DEPDC5: variants seen among roughly 807,000 people sequenced by gnomAD.
DEPDC5 encodes GATOR1 complex protein DEPDC5.
In DEPDC5, 73 loss-of-function variants were observed where a neutral mutation model predicts 217.3. The observed-to-expected ratio is 0.34, with a 90% CI of 0.28 to 0.41. The LOEUF (loss-of-function observed/expected upper bound fraction) is 0.41. Ranked by LOEUF, DEPDC5 falls within the 10% of genes least tolerant of loss-of-function variation. The pLI, the probability that DEPDC5 is intolerant of heterozygous loss-of-function variation, is 1.00. For synonymous variants in DEPDC5, 733 were observed against 756.7 expected (o/e 0.97, Z 0.51); for missense variants, 1,675 against 2,070.1 (o/e 0.81, Z 3.70).
intron 12 of DEPDC5, among the ~76,000 whole-genome samples, chr22:31,794,207 G>T (rs934403536): frequency 6.6e-6 from 1 of 152,106 alleles, no homozygotes; most frequent in African/African-American, 2.4e-5. Context: ...GTTGGATCCT[G>T]TACCCCTAGG....
chr22:31,801,909 A>G (rs1410369101), intron 14 of DEPDC5, among the ~76,000 whole-genome samples: 2 of 152,038 alleles, frequency 1.3e-5, no homozygotes, highest in Non-Finnish European at 2.9e-5. Context: ...CATAGTAAGA[A>G]TCATAGAGGC....
rs1438074986 is a variant in DEPDC5 at position 31,790,833 on chromosome 22, AC to A, written c.625-1195del. 2.2e-5 allele frequency among the ~76,000 whole-genome samples: 3 copies of A among 137,342 alleles called. No homozygotes were observed. The South Asian group carries it at 6.7e-4, about 31-fold the overall frequency. 90.1% of individuals were successfully genotyped at this position (137,342 alleles called of 152,430 possible). On this transcript the variant is annotated intron_variant, in intron 10 of 42. Coordinates refer to ENST00000651528, the MANE Select transcript of DEPDC5 (RefSeq NM_001242896.3). ...ACAGTCTTGGCTCACTGCAGTCTCC[AC>A]CCCCTGGGTTCAAGTGATTATCCTA...
intron 27 of DEPDC5, among the ~76,000 whole-genome samples, chr22:31,842,617 G>T (rs2091466859): frequency 6.6e-6 from 1 of 150,392 alleles, no homozygotes. Context: ...GCAAATATTT[G>T]CAGCAAATCA....
chr22:31,901,915 C>T (rs2093655008), intron 41 of DEPDC5, 113 bp downstream of exon 41: 3 of 956,094 alleles, frequency 3.1e-6, no homozygotes, highest in Non-Finnish European at 4.9e-6. Context: ...ATGTATTCCA[C>T]CAATGGCAAA....
intron 31 of DEPDC5, among the ~76,000 whole-genome samples, chr22:31,855,069 A>T (rs2092223979): frequency 6.6e-6 from 1 of 150,498 alleles, no homozygotes; most frequent in African/African-American, 2.5e-5. Flanking sequence ...GGTTCAAGCG[A>T]TTCTCCTGCC....
chr22:31,845,857 G>A (rs1475089306), intron 30 of DEPDC5, among the ~76,000 whole-genome samples: 3 of 150,618 alleles, frequency 2.0e-5, no homozygotes, highest in African/African-American at 7.4e-5. Flanking sequence ...ATTCTCTCAT[G>A]CTAGTCTTTT....
intron 14 of DEPDC5, among the ~76,000 whole-genome samples, chr22:31,800,045 C>T (rs144743439): frequency 2.6e-5 from 4 of 151,962 alleles, no homozygotes; most frequent in Non-Finnish European, 5.9e-5. Flanking sequence ...TCGTGATCCG[C>T]CCACCTTGGC....
intron 38 of DEPDC5, among the ~76,000 whole-genome samples, chr22:31,891,840 T>C (rs1325101387): frequency 6.6e-6 from 1 of 152,234 alleles, no homozygotes; most frequent in Non-Finnish European, 1.5e-5. Context: ...AACAGAAGCC[T>C]GACCTTTTCT....
chr22:31,778,837 G>A (rs1418254421), intron 8 of DEPDC5, among the ~76,000 whole-genome samples: 1 of 152,100 alleles, frequency 6.6e-6, no homozygotes, highest in Admixed American at 6.6e-5. Flanking sequence ...TGAGAGCAGT[G>A]GTTTTCAACC....
At chr22:31,811,331 A>G (rs1602060234) in intron 20 of DEPDC5, among the ~76,000 whole-genome samples, 3 of 152,234 alleles carry the variant, frequency 2.0e-5, no homozygotes, top group Admixed American at 2.0e-4. Flanking sequence ...CGGCCTCCCT[A>G]AGTGCTGGGA....
At chr22:31,826,123 C>T (rs1158944106) in intron 24 of DEPDC5, among the ~76,000 whole-genome samples, 1 of 152,106 alleles carries the variant, frequency 6.6e-6, no homozygotes, top group Admixed American at 6.6e-5. Context: ...TCCCCTGCCT[C>T]AGCCTCCCAA....
chr22:31,766,743 A>C (rs1049931944), intron 6 of DEPDC5, 75 bp downstream of exon 6: 1 of 1,358,296 alleles, frequency 7.4e-7, no homozygotes, highest in Admixed American at 1.9e-5. Context: ...ATGGGAGAAG[A>C]ATATAAAATC....
intron 18 of DEPDC5, among the ~76,000 whole-genome samples, chr22:31,808,543 T>C (rs974861945): frequency 1.3e-5 from 2 of 152,172 alleles, no homozygotes; most frequent in Admixed American, 1.3e-4. Context: ...CACGTGATTC[T>C]CCTGCCTCAG....
chr22:31,843,894 C>T, intron 29 of DEPDC5, 82 bp downstream of exon 29: 2 of 1,320,740 alleles, frequency 1.5e-6, no homozygotes, highest in Non-Finnish European at 2.0e-6. Context: ...TCTGCCCTTT[C>T]TCTCTCTCTC....
At chr22:31,822,655 C>G (rs5753795) in intron 23 of DEPDC5, 38 bp from the exon 24 acceptor site, 1 of 1,603,132 alleles carries the variant, frequency 6.2e-7, no homozygotes, top group Non-Finnish European at 8.5e-7. Context: ...AGGTGATGAT[C>G]TACATTAAGC....
Position 31,812,581 on chromosome 22 carries a change from C to T in DEPDC5, c.1445+1940C>T, listed in dbSNP as rs542461910. On this transcript the variant is annotated intron_variant, in intron 20 of 42. Coordinates refer to ENST00000651528, the MANE Select transcript of DEPDC5 (RefSeq NM_001242896.3). ...CTGGGACTACAGGCGCCCACCACCACGCCCAGCTAATTTTTTGTATTTTTA... is the reference window on the plus strand; with the variant it reads ...CTGGGACTACAGGCGCCCACCACCATGCCCAGCTAATTTTTTGTATTTTTA... Among the ~76,000 whole-genome samples, 13 of 149,350 alleles carry T rather than the reference C, an allele frequency of 8.7e-5. No individual in the cohort carries two copies. The South Asian group carries it at 2.2e-3, about 26-fold the overall frequency.
chr22:31,808,775 C>T (rs1568971105), intron 18 of DEPDC5, among the ~76,000 whole-genome samples: 2 of 151,882 alleles, frequency 1.3e-5, no homozygotes, highest in South Asian at 4.2e-4. Flanking sequence ...CCATGTTGGC[C>T]AGGCTGGTAC....
chr22:31,836,975 T>C lies in DEPDC5; in HGVS notation c.2174T>C (p.Leu725Pro). The change falls in exon 26 of 43, where the codon CTG becomes CCG. Residue 725 changes from leucine to proline, a missense_variant. By Grantham distance (98) the Leu-to-Pro change is moderately conservative (BLOSUM62 -3). This residue lies in a region of DEPDC5 where 136 missense variants were observed against 132.2 expected (regional missense o/e 1.03). Coordinates refer to ENST00000651528, the MANE Select transcript of DEPDC5 (RefSeq NM_001242896.3). ...TTCCCCCTGTTACGTGAGGCAGTTC[T>C]GACACTGTCTGCTCCCCCTGTAGTG... ...DSVSTSPDPI[L>P]TLSAPPVVPG... 6.2e-7 allele frequency: 1 copy of C among 1,612,862 alleles called. No homozygotes were observed. Among genetic ancestry groups the C allele is most frequent in the Non-Finnish European group, 8.5e-7 (1 of 1,179,392 alleles).
chr22:31,760,615 T>A (rs756968646), intron 3 of DEPDC5, 41 bp from the exon 4 acceptor site: 1 of 1,588,644 alleles, frequency 6.3e-7, no homozygotes, highest in Non-Finnish European at 8.6e-7. Context: ...AGGGAGTTAC[T>A]GTTCACGGTA....
Sources: allele counts gnomAD v4.1 joint callset (sites outside exome capture counted in the v4.1 genomes callset), GRCh38; gene constraint gnomAD v4.1.1; regional missense constraint gnomAD v4.1.1; transcripts MANE v1.5; gene names NCBI Gene and HGNC (gene_info 2026-07-23, HGNC 2026-07-21).